The following PLBD1 variants were observed in gnomAD, a reference collection of about 807,000 sequenced individuals.
PLBD1 encodes lysosomal leucine aminopeptidase.
In PLBD1, 60 loss-of-function variants were observed where a neutral mutation model predicts 63.0. The observed-to-expected ratio is 0.95, with a 90% CI of 0.77 to 1.18. The LOEUF is 1.18. Ranked by LOEUF, PLBD1 falls within the 50% of genes most tolerant of loss-of-function variation. The probability of loss-of-function intolerance (pLI) is 0.00; values close to 1 mark genes in which losing one functional copy is unlikely to be tolerated. For missense variants in PLBD1, 598 were observed against 677.9 expected (o/e 0.88, Z 1.31); for synonymous variants, 262 against 248.0 (o/e 1.06, Z -0.53).
Position 14,511,602 on chromosome 12 carries a change from C to T in PLBD1, c.954G>A (p.Glu318=). Residue 318 remains glutamate (E), a synonymous_variant, in exon 7 of 11, where the codon GAG becomes GAA. Transcript: ENST00000240617. ...NKTLLKQVIP[E]TLLSWQRVRV... is the part of the protein sequence containing the mutation. ...GGACTCTTTGCCAGGACAGGAGAGT[C>T]TCGGGTATTACCTGCTTTAGCAGGG... is the stretch of plus-strand genomic sequence containing the variant. 6.2e-7 allele frequency: 1 copy of T among 1,614,200 alleles called. No homozygotes were observed. The highest frequency in any genetic ancestry group is 8.5e-7 in the Non-Finnish European group (1 of 1,180,032).
At chr12:14,565,927 G>A (rs907715754) in intron 1 of PLBD1, among the ~76,000 whole-genome samples, 2 of 152,160 alleles carry the variant, frequency 1.3e-5, no homozygotes, top group African/African-American at 2.4e-5. Context: ...TCCAAGCATG[G>A]AGTCAGCTTC....
intron 2 of PLBD1, among the ~76,000 whole-genome samples, chr12:14,550,184 G>A (rs1468999818): frequency 1.3e-5 from 2 of 152,124 alleles, no homozygotes; most frequent in Non-Finnish European, 1.5e-5. Flanking sequence ...CTTGTACTCT[G>A]TACTTATGGC....
intron 2 of PLBD1, among the ~76,000 whole-genome samples, chr12:14,548,719 T>G (rs1183127525): frequency 6.6e-6 from 1 of 152,094 alleles, no homozygotes; most frequent in Non-Finnish European, 1.5e-5. Context: ...GTAAAAGGAG[T>G]TGCCTTTGAA....
chr12:14,514,786 TG>T (rs965864379), intron 6 of PLBD1, among the ~76,000 whole-genome samples: 22 of 151,662 alleles, frequency 1.5e-4, no homozygotes, highest in African/African-American at 5.3e-4. Flanking sequence ...TTGCCCAGGC[TG>T]GTGTCGAGCT....
intron 6 of PLBD1, among the ~76,000 whole-genome samples, chr12:14,522,496 C>T (rs988055032): frequency 1.3e-5 from 2 of 152,106 alleles, no homozygotes; most frequent in Non-Finnish European, 2.9e-5. Flanking sequence ...GGGAATACTT[C>T]CAACATCTTT....
In PLBD1 at chr12:14,553,140, T is replaced by C. The variant is rs78822867; in HGVS notation, c.335+53A>G. 10,956 of 1,454,742 alleles carry C rather than the reference T, an allele frequency of 7.5e-3. 54 individuals are homozygous for C. Among genetic ancestry groups the C allele is most frequent in the Non-Finnish European group, 9.6e-3 (10,084 of 1,055,726 alleles). 90.1% of individuals were successfully genotyped at this position (1,454,742 alleles called of 1,614,324 possible). On this transcript the variant is annotated intron_variant, in intron 2 of 10. Transcript: ENST00000240617. ...GGAAGATGAGAGTCACTGTGGAACA[T>C]GGGAAGGACAGGGGTTGCCTGGCAG...
intron 5 of PLBD1, 124 bp downstream of exon 5, chr12:14,536,446 T>C (rs2136920761): frequency 7.8e-6 from 8 of 1,026,582 alleles, no homozygotes; most frequent in Middle Eastern, 2.2e-4. Flanking sequence ...ACTTCTACCA[T>C]TGAAGAACTC....
At chr12:14,522,143 CTT>C (rs1170828961) in intron 6 of PLBD1, among the ~76,000 whole-genome samples, 1 of 152,024 alleles carries the variant, frequency 6.6e-6, no homozygotes, top group African/African-American at 2.4e-5. Context: ...ACTATAGAAA[CTT>C]GAGAGGGAGA....
At chr12:14,542,120 G>C in intron 3 of PLBD1, 88 bp downstream of exon 3, 1 of 1,141,640 alleles carries the variant, frequency 8.8e-7, no homozygotes, top group Non-Finnish European at 1.3e-6. Context: ...AGATTAAAAA[G>C]AAATTGGCAA....
intron 8 of PLBD1, among the ~76,000 whole-genome samples, chr12:14,510,504 A>T (rs962904769): frequency 1.3e-5 from 2 of 152,246 alleles, no homozygotes; most frequent in Non-Finnish European, 2.9e-5. Flanking sequence ...GAGCTAGGCT[A>T]CCAAATCAAA....
chr12:14,521,419 G>GC lies in PLBD1; in HGVS notation c.845-9709_845-9708insG, dbSNP rs1415449993. ...ATTGGAGTAGGCCTTGTGCACCCGTGGCGCATGAAACAAACTGGCACCCTT... is the reference window on the plus strand; with the variant it reads ...ATTGGAGTAGGCCTTGTGCACCCGTGCGCGCATGAAACAAACTGGCACCCTT... On this transcript the variant is annotated intron_variant, in intron 6 of 10. Coordinates refer to ENST00000240617, the MANE Select transcript of PLBD1 (RefSeq NM_024829.6). 8.5e-5 allele frequency among the ~76,000 whole-genome samples: 13 copies of GC among 152,086 alleles called. No individual in the cohort carries two copies. The East Asian group carries it at 2.5e-3, about 30-fold the overall frequency.
chr12:14,508,356 A>G (rs1231678877), intron 8 of PLBD1, among the ~76,000 whole-genome samples: 1 of 152,264 alleles, frequency 6.6e-6, no homozygotes, highest in Admixed American at 6.5e-5. Flanking sequence ...AGTGCTTACA[A>G]TAGTATCTAA....
In PLBD1 at chr12:14,506,171, A is replaced by C; in HGVS notation, c.1470T>G (p.Tyr490Ter). ...GCCAATAGCATGTTACCTTTGTGTC[A>C]TAACAACCTCCAGGACTTGGGTTAG... ...NSPNPSPGGC[Y>*]DTKVADIYLA... The change falls in exon 10 of 11, where the codon TAT becomes TAG. Residue 490 changes from tyrosine to a stop codon, truncating the protein, a stop_gained. Coordinates refer to ENST00000240617, the MANE Select transcript of PLBD1 (RefSeq NM_024829.6). LOFTEE classifies it high-confidence loss of function. 2 of 1,605,774 alleles carry C rather than the reference A, an allele frequency of 1.2e-6. No individual in the cohort carries two copies. The highest frequency in any genetic ancestry group is 1.7e-6 in the Non-Finnish European group (2 of 1,174,168).
At chr12:14,550,453 C>A (rs1945647611) in intron 2 of PLBD1, among the ~76,000 whole-genome samples, 1 of 151,934 alleles carries the variant, frequency 6.6e-6, no homozygotes, top group South Asian at 2.1e-4. Context: ...TACGTGTCAA[C>A]TTTTTTTTGA....
At position 14,526,693 on chromosome 12, in the gene PLBD1, C is replaced by T. The variant is rs1945417457; in HGVS notation, c.844+8966G>A. Among the ~76,000 whole-genome samples, 3 of 152,242 alleles carry T rather than the reference C, an allele frequency of 2.0e-5. No individual in the cohort carries two copies. The South Asian group carries it at 6.2e-4, about 32-fold the overall frequency. On this transcript the variant is annotated intron_variant, in intron 6 of 10. Transcript: ENST00000240617. ...GGAGCTGAAAGAAAAACATCCAAGG[C>T]CGGGCATGGTGGGTCACGTCTGTAA...
chr12:14,508,794 G>A (rs1344558), intron 8 of PLBD1, among the ~76,000 whole-genome samples: 149,663 of 152,270 alleles, frequency 0.98, 73,599 homozygotes, highest in Middle Eastern at 1. Context: ...AAATAGAGCA[G>A]CTTGTTTAAT....
intron 9 of PLBD1, 23 bp downstream of exon 9, chr12:14,506,910 T>A (rs763439542): frequency 1.3e-6 from 2 of 1,597,414 alleles, no homozygotes; most frequent in Non-Finnish European, 1.7e-6. Context: ...TGAAGAATGA[T>A]TCTTGAGAAA....
chr12:14,553,060 G>T, intron 2 of PLBD1, 133 bp downstream of exon 2: 2 of 823,060 alleles, frequency 2.4e-6, no homozygotes, highest in Non-Finnish European at 1.9e-6. Flanking sequence ...TTCTGATAAT[G>T]TCTCTATCAC....
intron 1 of PLBD1, among the ~76,000 whole-genome samples, chr12:14,565,616 T>C (rs980019693): frequency 2.6e-5 from 4 of 152,192 alleles, no homozygotes; most frequent in South Asian, 2.1e-4. Context: ...TTCAGGGTAC[T>C]GAGCTGGGTA....
Sources: gnomAD v4.1 joint callset for allele counts (sites outside exome capture counted in the v4.1 genomes callset) on GRCh38, gnomAD v4.1.1 for gene constraint, MANE v1.5 for transcripts, NCBI Gene and HGNC (gene_info 2026-07-23, HGNC 2026-07-21) for gene names.